Variants in SLC6A12 observed in about 807,000 individuals in gnomAD.
SLC6A12 encodes solute carrier family 6 member 12, also known as sodium- and chloride-dependent betaine transporter.
SLC6A12 carries 50 observed loss-of-function variants against 73.3 expected under a neutral mutation model. The ratio of observed to expected loss-of-function variants is 0.68; its 90% CI spans 0.54 to 0.86. The LOEUF (loss-of-function observed/expected upper bound fraction) is 0.86, where lower values mean the gene tolerates loss of function less well. Ranked by LOEUF, SLC6A12 falls within the 40% of genes least tolerant of loss-of-function variation. The pLI is 0.00. For synonymous variants in SLC6A12, 304 were observed against 309.2 expected (o/e 0.98, Z 0.18); for missense variants, 648 against 772.8 (o/e 0.84, Z 1.92).
chr12:191,562 T>C (rs569620797), intron 15 of SLC6A12, among the ~76,000 whole-genome samples: 1 of 149,834 alleles, frequency 6.7e-6, no homozygotes, highest in Admixed American at 6.7e-5. Flanking sequence ...AAGTGATCAA[T>C]AAATATCTAT....
intron 4 of SLC6A12, 136 bp downstream of exon 4, chr12:204,428 C>T (rs1415046595): frequency 3.4e-6 from 3 of 886,876 alleles, no homozygotes; most frequent in Non-Finnish European, 5.4e-6. Flanking sequence ...ACCCATGAAG[C>T]CTGATTCTGC....
chr12:208,445 T>C (rs548907258), intron 3 of SLC6A12, among the ~76,000 whole-genome samples: 141 of 152,326 alleles, frequency 9.3e-4, no homozygotes, highest in Middle Eastern at 3.4e-3. Flanking sequence ...AAATAGTGTT[T>C]AGGAGGATTT....
the SLC6A12 span, among the ~76,000 whole-genome samples, chr12:184,313 G>A: frequency 2.4e-4 from 37 of 152,296 alleles, no homozygotes; most frequent in South Asian, 2.3e-3. Flanking sequence ...TCATAGCCCA[G>A]TAAATGATAT....
chr12:192,856 C>T (rs1339463917), intron 14 of SLC6A12, among the ~76,000 whole-genome samples: 1 of 106,418 alleles, frequency 9.4e-6, no homozygotes, highest in Non-Finnish European at 2.0e-5. Context: ...GGGAGGGGCT[C>T]GGAAGAGCAT....
chr12:195,175 A>G (rs1156290401), intron 13 of SLC6A12, 50 bp downstream of exon 13: 1 of 1,201,086 alleles, frequency 8.3e-7, no homozygotes, highest in Non-Finnish European at 1.2e-6. Flanking sequence ...CTGGCTGGCT[A>G]GACGGTCTTT....
chr12:191,524 C>T (rs1184901560), intron 15 of SLC6A12, among the ~76,000 whole-genome samples: 1 of 152,196 alleles, frequency 6.6e-6, no homozygotes, highest in East Asian at 1.9e-4. Flanking sequence ...GTAGAATGCA[C>T]CTCACAGAAC....
intron 7 of SLC6A12, chr12:199,655 C>A (rs143668466): frequency 6.6e-6 from 1 of 152,212 alleles, no homozygotes; most frequent in African/African-American, 2.4e-5. Context: ...AAGGCTGCTG[C>A]GGGAACAGAC....
intron 7 of SLC6A12, among the ~76,000 whole-genome samples, chr12:199,504 A>T (rs1190176093): frequency 2.6e-5 from 4 of 151,886 alleles, no homozygotes; most frequent in Non-Finnish European, 5.9e-5. Context: ...CGGCGGCCGG[A>T]GCTCCGGGCT....
At chr12:201,957 A>T in intron 5 of SLC6A12, 108 bp from the exon 6 acceptor site, 1 of 890,630 alleles carries the variant, frequency 1.1e-6, no homozygotes, top group Non-Finnish European at 1.8e-6. Context: ...CCTAGCCCCA[A>T]GAGCTTCTTT....
chr12:202,000 T>C, intron 5 of SLC6A12, 151 bp from the exon 6 acceptor site: 1 of 633,962 alleles, frequency 1.6e-6, no homozygotes, highest in African/African-American at 1.8e-5. Context: ...ATCAGGAGGC[T>C]CATAGGGCCA....
intron 12 of SLC6A12, among the ~76,000 whole-genome samples, chr12:195,794 A>G (rs1939831170): frequency 6.6e-6 from 1 of 152,184 alleles, no homozygotes; most frequent in Admixed American, 6.5e-5. Flanking sequence ...CCTCTGAGTG[A>G]AGTCACAGGA....
intron 12 of SLC6A12, among the ~76,000 whole-genome samples, chr12:195,647 G>A (rs967605572): frequency 2.6e-5 from 4 of 152,060 alleles, no homozygotes; most frequent in African/African-American, 9.7e-5. Flanking sequence ...TCTACTCCAG[G>A]CTTGAATAAG....
intron 13 of SLC6A12, 40 bp from the exon 14 acceptor site, chr12:193,417 G>A (rs1565465995): frequency 2.7e-6 from 4 of 1,475,402 alleles, no homozygotes; most frequent in Non-Finnish European, 3.8e-6. Context: ...GAGCCAGAGG[G>A]TGAGAACAGC....
intron 2 of SLC6A12, 32 bp from the exon 3 acceptor site, chr12:210,075 C>T: frequency 6.5e-7 from 1 of 1,528,398 alleles, no homozygotes; most frequent in Non-Finnish European, 8.8e-7. Flanking sequence ...AGCTGTAAAA[C>T]CCGACATGCT....
intron 7 of SLC6A12, 92 bp downstream of exon 7, chr12:200,559 A>G: frequency 7.2e-7 from 1 of 1,381,386 alleles, no homozygotes; most frequent in Non-Finnish European, 1.0e-6. Context: ...GTTTCTTAAT[A>G]GAAAGAAATC....
In SLC6A12 at chr12:197,495, G is replaced by C; in HGVS notation, c.957C>G (p.Cys319Trp). ...CACTGTTCAGGAAGCAGAGGGCGATGCAGTCCCTGTGGGAGTGGGGCAAGG... is the reference window on the plus strand; with the variant it reads ...CACTGTTCAGGAAGCAGAGGGCGATCCAGTCCCTGTGGGAGTGGGGCAAGG... ...NKYHNNCYKD[C>W]IALCFLNSAT... The change falls in exon 10 of 16, where the codon TGC (cysteine) becomes TGG (tryptophan). Residue 319 changes from cysteine to tryptophan, a missense_variant. By Grantham distance (215) the Cys-to-Trp change is radical. Coordinates refer to ENST00000684302, the MANE Select transcript of SLC6A12 (RefSeq NM_001122848.3). 6.2e-7 allele frequency: 1 copy of C among 1,613,228 alleles called. No individual in the cohort carries two copies. The highest frequency in any genetic ancestry group is 8.5e-7 in the Non-Finnish European group (1 of 1,179,592).
At chr12:184,673 C>T in the SLC6A12 span, among the ~76,000 whole-genome samples, 21 of 152,036 alleles carry the variant, frequency 1.4e-4, no homozygotes, top group African/African-American at 5.1e-4. Flanking sequence ...TGGCGTGAAC[C>T]CGGGAGGCGG....
In SLC6A12 at chr12:201,741, G is replaced by A. The variant is rs201851926; in HGVS notation, c.578+21C>T. ...CATCCAAATTTCCTCTTCATATGTGGCAAATGGGCCCAGCACCTACTCCCA... is the reference window on the plus strand; with the variant it reads ...CATCCAAATTTCCTCTTCATATGTGACAAATGGGCCCAGCACCTACTCCCA... On this transcript the variant is annotated intron_variant, in intron 6 of 15. Transcript: ENST00000684302. 221 of 1,594,184 alleles carry A rather than the reference G, an allele frequency of 1.4e-4. 2 individuals are homozygous for A. The East Asian group carries it at 4.3e-3, about 31-fold the overall frequency.
intron 5 of SLC6A12, 64 bp downstream of exon 5, chr12:202,676 A>C: frequency 2.6e-6 from 4 of 1,542,172 alleles, no homozygotes; most frequent in Non-Finnish European, 3.5e-6. Context: ...CGTTGCTTGG[A>C]TTCACCAGCC....
Sources: allele counts gnomAD v4.1 joint callset (sites outside exome capture counted in the v4.1 genomes callset), GRCh38; gene constraint gnomAD v4.1.1; transcripts MANE v1.5; gene names NCBI Gene and HGNC (gene_info 2026-07-23, HGNC 2026-07-21).